The following THBS4 variants were observed in gnomAD, a reference collection of about 807,000 sequenced individuals.
The protein encoded by THBS4 is thrombospondin 4.
Under a neutral mutation model 115.7 loss-of-function variants are expected in THBS4, and 90 were observed. That is an observed-to-expected ratio of 0.78 (90% CI 0.66 to 0.93). THBS4 has a LOEUF of 0.93. Among genes scored for constraint, THBS4 ranks in the 40% least tolerant of loss-of-function variants. The probability of loss-of-function intolerance (pLI) is 0.00; values close to 1 mark genes in which losing one functional copy is unlikely to be tolerated. For synonymous variants in THBS4, 460 were observed against 479.3 expected (o/e 0.96, Z 0.53); for missense variants, 1,087 against 1,232.7 (o/e 0.88, Z 1.77).
At chr5:80,008,418 T>C (rs1254953948) in intron 2 of THBS4, among the ~76,000 whole-genome samples, 1 of 152,192 alleles carries the variant, frequency 6.6e-6, no homozygotes, top group Non-Finnish European at 1.5e-5. Context: ...TATTGTTTTT[T>C]TTTAATTTTG....
intron 5 of THBS4, 47 bp from the exon 6 acceptor site, chr5:80,059,393 A>G: frequency 6.4e-7 from 1 of 1,568,470 alleles, no homozygotes; most frequent in Non-Finnish European, 8.8e-7. Flanking sequence ...CCTGGATGAT[A>G]TCAGGCATTC....
At chr5:80,042,825 G>A (rs1832946052) in intron 2 of THBS4, among the ~76,000 whole-genome samples, 1 of 152,104 alleles carries the variant, frequency 6.6e-6, no homozygotes, top group Non-Finnish European at 1.5e-5. Context: ...AATTAGCCAG[G>A]CATGGCAGTA....
intron 20 of THBS4, chr5:80,082,187 C>A: frequency 2.2e-6 from 1 of 455,632 alleles, no homozygotes; most frequent in Non-Finnish European, 3.8e-6. Flanking sequence ...CCCCCCTCCA[C>A]ACACACACGG....
Position 80,082,448 on chromosome 5 carries a change from C to G in THBS4, c.2727C>G (p.Gly909=). 1 of 1,614,180 alleles carries G rather than the reference C, an allele frequency of 6.2e-7. No individual in the cohort carries two copies. ...YEGSELVADS[G]VTIDTTMRGG... ...GCTCTGAGTTGGTGGCTGACTCTGG[C>G]GTCACCATAGACACCACAATGCGTG... Residue 909 remains glycine, a synonymous_variant, in exon 21 of 22, where the codon GGC becomes GGG. Transcript: ENST00000350881.
At chr5:80,014,405 G>A (rs879226631) in intron 2 of THBS4, among the ~76,000 whole-genome samples, 1 of 152,158 alleles carries the variant, frequency 6.6e-6, no homozygotes, top group Non-Finnish European at 1.5e-5. Context: ...GTGGTCCCTC[G>A]CAGATGTGGT....
chr5:79,994,968 C>T (rs1325102933), intron 1 of THBS4, among the ~76,000 whole-genome samples: 2 of 152,140 alleles, frequency 1.3e-5, no homozygotes, highest in Non-Finnish European at 2.9e-5. Context: ...GGGTACGTTG[C>T]ATTTAGATTG....
chr5:80,043,970 A>G (rs1561306070), intron 2 of THBS4, among the ~76,000 whole-genome samples: 2 of 152,158 alleles, frequency 1.3e-5, no homozygotes, highest in Non-Finnish European at 2.9e-5. Context: ...TCACCAAGAT[A>G]GGCTATTGCC....
chr5:80,070,848 T>C, intron 12 of THBS4, 98 bp downstream of exon 12: 1 of 1,556,290 alleles, frequency 6.4e-7, no homozygotes, highest in Non-Finnish European at 8.8e-7. Context: ...ATCCCAAATG[T>C]TAGTTTCCAT....
intron 17 of THBS4, 31 bp downstream of exon 17, chr5:80,078,258 C>G: frequency 6.5e-7 from 1 of 1,529,014 alleles, no homozygotes. Flanking sequence ...AATGGCTCAG[C>G]CTTGCCTCTC....
chr5:80,046,867 T>C (rs1833084445), intron 2 of THBS4, among the ~76,000 whole-genome samples: 2 of 152,338 alleles, frequency 1.3e-5, no homozygotes, highest in African/African-American at 4.8e-5. Context: ...CATTTTATCG[T>C]GTTTGCAATT....
At chr5:80,034,911 G>A (rs1053457992), upstream of THBS4, among the ~76,000 whole-genome samples, 2 of 152,144 alleles carry the variant, frequency 1.3e-5, no homozygotes, top group Non-Finnish European at 2.9e-5. Flanking sequence ...CATTCGCAAG[G>A]GAACCCAAGG....
At chr5:80,036,260 T>G in intron 1 of THBS4, 1 of 939,332 alleles carries the variant, frequency 1.1e-6, no homozygotes, top group Non-Finnish European at 1.3e-6. Context: ...GAGGCCATTT[T>G]CCTAAGTGGA....
At chr5:80,022,346 A>T (rs1248530087) in intron 2 of THBS4, among the ~76,000 whole-genome samples, 1 of 152,242 alleles carries the variant, frequency 6.6e-6, no homozygotes, top group Non-Finnish European at 1.5e-5. Context: ...TCATCACATT[A>T]CACTACTAGA....
intron 2 of THBS4, chr5:80,052,877 C>T (rs1308289413): frequency 6.6e-6 from 1 of 152,222 alleles, no homozygotes; most frequent in African/African-American, 2.4e-5. Context: ...ACCATCTTGG[C>T]ATTTACACTC....
intron 20 of THBS4, chr5:80,082,090 G>T: frequency 3.6e-6 from 1 of 277,666 alleles, no homozygotes; most frequent in Non-Finnish European, 6.7e-6. Context: ...GGTTTGGTTT[G>T]GTTTGATTTT....
intron 20 of THBS4, among the ~76,000 whole-genome samples, chr5:80,081,468 T>C (rs1743502985): frequency 6.6e-6 from 1 of 152,180 alleles, no homozygotes; most frequent in African/African-American, 2.4e-5. Flanking sequence ...ATTTAAATAT[T>C]TGAGCACAGC....
At chr5:80,066,193 G>A (rs1833818213) in intron 9 of THBS4, among the ~76,000 whole-genome samples, 1 of 152,082 alleles carries the variant, frequency 6.6e-6, no homozygotes, top group Non-Finnish European at 1.5e-5. Flanking sequence ...TTCAGATATG[G>A]GTTTTATTTC....
At chr5:80,078,011 G>C (rs779031188) in intron 16 of THBS4, 38 bp from the exon 17 acceptor site, 61 of 1,502,810 alleles carry the variant, frequency 4.1e-5, no homozygotes, top group Non-Finnish European at 5.4e-5. Flanking sequence ...GTGGGTGTGA[G>C]CGCTATTGAG....
chr5:80,032,730 C>T (rs908212857), upstream of THBS4, among the ~76,000 whole-genome samples: 2 of 152,160 alleles, frequency 1.3e-5, no homozygotes, highest in Non-Finnish European at 2.9e-5. Context: ...TCTGCTCTTC[C>T]GTCTTCTCCT....
Sources: gnomAD v4.1 joint callset for allele counts (sites outside exome capture counted in the v4.1 genomes callset) on GRCh38, gnomAD v4.1.1 for gene constraint, MANE v1.5 for transcripts, NCBI Gene and HGNC (gene_info 2026-07-23, HGNC 2026-07-21) for gene names.